ANKAR: variants seen among roughly 807,000 people sequenced by gnomAD.
ANKAR encodes ankyrin and armadillo repeat containing.
A neutral mutation model predicts 146.2 loss-of-function variants in ANKAR; 136 were observed. That is an observed-to-expected ratio of 0.93 (90% CI 0.81 to 1.07). The LOEUF is 1.07. Ranked by LOEUF, ANKAR falls within the 50% of genes least tolerant of loss-of-function variation. The pLI, the probability that ANKAR is intolerant of heterozygous loss-of-function variation, is 0.00. For synonymous variants in ANKAR, 500 were observed against 575.8 expected (o/e 0.87, Z 1.88); for missense variants, 1,567 against 1,679.9 (o/e 0.93, Z 1.18).
At chr2:189,704,210 C>G (rs1157183758) in intron 7 of ANKAR, among the ~76,000 whole-genome samples, 2 of 150,310 alleles carry the variant, frequency 1.3e-5, no homozygotes, top group Non-Finnish European at 2.9e-5. Context: ...GGCATGATCT[C>G]TGCTCACTAC....
intron 19 of ANKAR, among the ~76,000 whole-genome samples, chr2:189,738,926 T>C (rs1227620262): frequency 2.1e-5 from 3 of 145,818 alleles, no homozygotes; most frequent in Non-Finnish European, 4.5e-5. Context: ...TAATTACTTT[T>C]TCAAACCCTT....
chr2:189,758,024 T>C (rs773766579), intron 18 of ANKAR, among the ~76,000 whole-genome samples: 16 of 152,208 alleles, frequency 1.1e-4, no homozygotes, highest in Admixed American at 3.3e-4. Context: ...GACTACATCA[T>C]GGGGGCGTAT....
intron 7 of ANKAR, among the ~76,000 whole-genome samples, chr2:189,701,561 AG>A (rs2038056662): frequency 6.6e-6 from 1 of 152,212 alleles, no homozygotes; most frequent in Non-Finnish European, 1.5e-5. Flanking sequence ...ATATATCTTC[AG>A]GATTAGAGAT....
At chr2:189,760,730 G>C (rs1447001327) in intron 18 of ANKAR, among the ~76,000 whole-genome samples, 1 of 151,972 alleles carries the variant, frequency 6.6e-6, no homozygotes, top group Admixed American at 6.6e-5. Context: ...GGCGGAGATT[G>C]CAGTGAGCCG....
intron 18 of ANKAR, among the ~76,000 whole-genome samples, chr2:189,758,440 A>G (rs1485143871): frequency 6.6e-6 from 1 of 151,982 alleles, no homozygotes; most frequent in African/African-American, 2.4e-5. Context: ...TGCTCCTGCC[A>G]TGTAAGACGC....
intron 20 of ANKAR, 22 bp from the exon 21 acceptor site, chr2:189,743,249 TAAGA>T (rs779375417): frequency 6.9e-6 from 11 of 1,604,158 alleles, no homozygotes; most frequent in African/African-American, 1.3e-5. Context: ...GCCCACTGGT[TAAGA>T]AAGAATTGTT....
Position 189,733,150 on chromosome 2 carries a change from A to T in ANKAR, c.3344A>T (p.Asp1115Val), listed in dbSNP as rs758474998. The change falls in exon 17 of 23, where the codon GAT (aspartate) becomes GTT (valine). Residue 1115 changes from aspartate to valine, a missense_variant. Asp to Val is a radical substitution (Grantham distance 152). Coordinates refer to ENST00000684021, the MANE Select transcript of ANKAR (RefSeq NM_001378068.1). ...TTGGCATGCATTGTCCTAGGGAATG[A>T]TGTGTTACAGAAAGACTTACATGAA... ...FSLACIVLGNDVLQKDLHENE... is the reference protein window; with the variant it reads ...FSLACIVLGNVVLQKDLHENE... 8 of 1,613,074 alleles carry T rather than the reference A, an allele frequency of 5.0e-6. No individual in the cohort carries two copies. Among genetic ancestry groups the T allele is most frequent in the Admixed American group, 1.7e-5 (1 of 59,928 alleles).
intron 18 of ANKAR, among the ~76,000 whole-genome samples, chr2:189,757,739 A>AT (rs2046302706): frequency 6.6e-6 from 1 of 152,212 alleles, no homozygotes; most frequent in African/African-American, 2.4e-5. Context: ...TGTCTCATTT[A>AT]TATTTGTATC....
Position 189,698,115 on chromosome 2 carries a change from ATGGTAAGACAT to A in ANKAR, c.1708+1747_1708+1757del, listed in dbSNP as rs2037513533. Among the ~76,000 whole-genome samples, 3 of 152,214 alleles carry A rather than the reference ATGGTAAGACAT, an allele frequency of 2.0e-5. No individual in the cohort carries two copies. The South Asian group carries it at 6.2e-4, about 31-fold the overall frequency. Reference sequence around the variant, plus strand: ...AAAGTAGAGGTAAAAAAGGAAAGAAATGGTAAGACATAAATAAAGTATTTGGTGCATTTAAA... The same window carrying A: ...AAAGTAGAGGTAAAAAAGGAAAGAAAAAATAAAGTATTTGGTGCATTTAAA... On this transcript the variant is annotated intron_variant, in intron 7 of 22. Transcript: ENST00000684021.
intron 9 of ANKAR, 33 bp downstream of exon 9, chr2:189,707,179 G>C (rs1370498386): frequency 2.9e-5 from 35 of 1,199,574 alleles, no homozygotes. Flanking sequence ...TACATGTTCT[G>C]ATTATTATTC....
downstream of ANKAR, among the ~76,000 whole-genome samples, chr2:189,762,265 T>C (rs149604514): frequency 1.8e-3 from 267 of 152,306 alleles, no homozygotes; most frequent in African/African-American, 6.0e-3. Flanking sequence ...CCCAAAATAA[T>C]AGCAGCCCAT....
At position 189,736,843 on chromosome 2, in the gene ANKAR, C is replaced by T. The variant is rs148824973; in HGVS notation, c.3424-840C>T. 4.6e-3 allele frequency among the ~76,000 whole-genome samples: 694 copies of T among 151,728 alleles called. 4 individuals carry two copies. Among genetic ancestry groups the T allele is most frequent in the African/African-American group, 0.016 (651 of 41,396 alleles). The stretch of plus-strand genomic sequence containing the variant: ...ATCCCAGCACTTTGGGAGGCCAAGG[C>T]GAGCAGACACCTTGAGCTCAGGAGT... On this transcript the variant is annotated intron_variant, in intron 17 of 22. Transcript: ENST00000684021.
At position 189,715,110 on chromosome 2, in the gene ANKAR, A is replaced by G. The variant is rs547891573; in HGVS notation, c.2224+3957A>G. The stretch of plus-strand genomic sequence containing the variant: ...AGATCAGAGCAGAACTGAAGGAGAT[A>G]GAGACACAAAAAACCTTCAAAATAT... On this transcript the variant is annotated intron_variant, in intron 10 of 22. Coordinates refer to ENST00000684021, the MANE Select transcript of ANKAR (RefSeq NM_001378068.1). 5.1e-4 allele frequency among the ~76,000 whole-genome samples: 78 copies of G among 152,256 alleles called. 1 individual carries two copies. The South Asian group carries it at 0.016, about 31-fold the overall frequency.
downstream of ANKAR, among the ~76,000 whole-genome samples, chr2:189,751,451 T>G (rs995687078): frequency 7.3e-5 from 11 of 150,728 alleles, no homozygotes; most frequent in African/African-American, 2.7e-4. Flanking sequence ...TGTGTTTTTT[T>G]TTTTTTTTTT....
Position 189,689,591 on chromosome 2 carries a change from TCCAACATATGATC to T in ANKAR, c.673_685del (p.Tyr225AlafsTer9). 1 of 1,612,984 alleles carries T rather than the reference TCCAACATATGATC, an allele frequency of 6.2e-7. No homozygotes were observed. Among genetic ancestry groups the T allele is most frequent in the East Asian group, 2.2e-5 (1 of 44,790 alleles). On this transcript the variant is annotated frameshift_variant, in exon 3 of 23. Transcript: ENST00000684021. LOFTEE classifies it high-confidence loss of function. The stretch of plus-strand genomic sequence containing the variant: ...TCTATGATGAAGACGTGAATGAAGA[TCCAACATATGATC>T]CCAACAGCCCTGAAGAAACAGCTGT...
rs531140030 is a variant in ANKAR at position 189,742,592 on chromosome 2, C to G, written c.3811-683C>G. On this transcript the variant is annotated intron_variant, in intron 20 of 22. Coordinates refer to ENST00000684021, the MANE Select transcript of ANKAR (RefSeq NM_001378068.1). ...AATAAATAAATAAATAAGTTGCTTT[C>G]TCTAAGATTTCTGTTACCAAGAGTT... Among the ~76,000 whole-genome samples the G allele has an allele frequency of 3.9e-5, 6 of 152,086 alleles. No homozygotes were observed. In the East Asian group the frequency reaches 1.2e-3, roughly 29 times the overall value.
At chr2:189,734,381 T>C (rs140851282) in intron 17 of ANKAR, among the ~76,000 whole-genome samples, 132 of 152,384 alleles carry the variant, frequency 8.7e-4, no homozygotes, top group African/African-American at 3.0e-3. Context: ...CTTCTACGTT[T>C]ATTAGTTGGT....
intron 4 of ANKAR, 69 bp downstream of exon 4, chr2:189,692,487 G>A: frequency 4.2e-6 from 6 of 1,443,274 alleles, no homozygotes; most frequent in Non-Finnish European, 5.6e-6. Flanking sequence ...CAACCAAAAA[G>A]AGCCTCTGTT....
In ANKAR at chr2:189,754,005, T is replaced by G. The variant is rs367604671; in HGVS notation, c.*585-7093T>G. ...CTTTTCACAAGATGACATGCCATTGTGTGCTGTACTGTGGCAGCAATGTCT... is the reference window on the plus strand; with the variant it reads ...CTTTTCACAAGATGACATGCCATTGGGTGCTGTACTGTGGCAGCAATGTCT... On this transcript the variant is annotated intron_variant and NMD_transcript_variant, in intron 18 of 18. Transcript: ENST00000441800. The G allele has an allele frequency of 1.9e-6, 3 of 1,613,622 alleles. No homozygotes were observed. In the African/African-American group the frequency reaches 4.0e-5, roughly 22 times the overall value.
Sources: allele counts gnomAD v4.1 joint callset (sites outside exome capture counted in the v4.1 genomes callset), GRCh38; gene constraint gnomAD v4.1.1; transcripts MANE v1.5; gene names NCBI Gene and HGNC (gene_info 2026-07-23, HGNC 2026-07-21).